NUP62CL: variants seen among roughly 807,000 people sequenced by gnomAD.
NUP62CL encodes the protein nucleoporin-62 C-terminal-like protein.
In NUP62CL, 13 loss-of-function variants were observed where a neutral mutation model predicts 15.3. The observed-to-expected ratio is 0.85, with a 90% CI of 0.55 to 1.35. The LOEUF (loss-of-function observed/expected upper bound fraction) is 1.35. Ranked by LOEUF, NUP62CL falls within the 40% of genes most tolerant of loss-of-function variation. The probability of loss-of-function intolerance (pLI) is 0.00; values close to 1 mark genes in which losing one functional copy is unlikely to be tolerated. For synonymous variants in NUP62CL, 54 were observed against 49.2 expected (o/e 1.10, Z -0.41); for missense variants, 123 against 130.6 (o/e 0.94, Z 0.28).
intron 8 of NUP62CL, among the ~76,000 whole-genome samples, chrX:107,138,420 A>G (rs1471607693): frequency 8.9e-6 from 1 of 112,165 alleles, no homozygotes; most frequent in East Asian, 2.8e-4. Context: ...CATATGTGAC[A>G]AAAGACTTGC....
intron 3 of NUP62CL, among the ~76,000 whole-genome samples, chrX:107,174,483 C>T (rs780217527): frequency 9.0e-6 from 1 of 111,172 alleles, no homozygotes; most frequent in African/African-American, 3.3e-5. Context: ...TTTGCTATTA[C>T]TATACTAATG....
intron 1 of NUP62CL, among the ~76,000 whole-genome samples, chrX:107,201,054 TA>T (rs1262093427): frequency 8.9e-6 from 1 of 111,866 alleles, no homozygotes; most frequent in Non-Finnish European, 1.9e-5. Context: ...ATCTGGCTAA[TA>T]TAACTTAAAG....
intron 7 of NUP62CL, among the ~76,000 whole-genome samples, chrX:107,150,046 G>A (rs901408669): frequency 2.3e-4 from 26 of 111,875 alleles, no homozygotes; most frequent in Non-Finnish European, 4.5e-4. Flanking sequence ...AGTATTCTGT[G>A]GGGGCAGGTG....
intron 4 of NUP62CL, among the ~76,000 whole-genome samples, chrX:107,160,761 C>A (rs1362875422): frequency 3.5e-4 from 39 of 110,993 alleles, no homozygotes; most frequent in South Asian, 1.9e-3. Flanking sequence ...CAATGGCAAC[C>A]AAAGCCAAAA....
chrX:107,147,696 T>C (rs1224742526), intron 8 of NUP62CL, 47 bp downstream of exon 8: 4 of 798,068 alleles, frequency 5.0e-6, no homozygotes, highest in Non-Finnish European at 7.7e-6. Context: ...GTATCACGTT[T>C]TCTACTTGCA....
chrX:107,138,803 C>T (rs1925700846), intron 8 of NUP62CL, among the ~76,000 whole-genome samples: 1 of 112,092 alleles, frequency 8.9e-6, no homozygotes, highest in Non-Finnish European at 1.9e-5. Context: ...TCTTGGATAT[C>T]TATCCCAGAG....
At chrX:107,189,565 C>G (rs957907613) in intron 2 of NUP62CL, among the ~76,000 whole-genome samples, 3 of 108,651 alleles carry the variant, frequency 2.8e-5, no homozygotes, top group Non-Finnish European at 5.7e-5. Flanking sequence ...TGCTTAAGCT[C>G]AAGAGTTTGA....
intron 8 of NUP62CL, among the ~76,000 whole-genome samples, chrX:107,134,432 G>A (rs751495662): frequency 2.7e-5 from 3 of 112,065 alleles, no homozygotes; most frequent in Non-Finnish European, 5.6e-5. Flanking sequence ...TATTTTAACA[G>A]ATTAGAGAGC....
intron 4 of NUP62CL, among the ~76,000 whole-genome samples, chrX:107,156,250 G>A (rs1452726765): frequency 1.1e-4 from 12 of 110,671 alleles, no homozygotes; most frequent in East Asian, 2.9e-4. Flanking sequence ...CAAAGCAGCC[G>A]GGAAGCTCCA....
chrX:107,200,921 C>T (rs922570148), intron 1 of NUP62CL, among the ~76,000 whole-genome samples: 1 of 110,599 alleles, frequency 9.0e-6, no homozygotes, highest in African/African-American at 3.3e-5. Flanking sequence ...CAAAAAAACC[C>T]TCAAAAAACA....
intron 8 of NUP62CL, among the ~76,000 whole-genome samples, chrX:107,144,243 A>G (rs746493808): frequency 2.7e-5 from 3 of 112,011 alleles, no homozygotes; most frequent in Non-Finnish European, 3.8e-5. Context: ...GTCCTCTACT[A>G]TTAGGTACAT....
At chrX:107,172,825 T>C (rs1451682785) in intron 3 of NUP62CL, among the ~76,000 whole-genome samples, 3 of 112,351 alleles carry the variant, frequency 2.7e-5, no homozygotes, top group South Asian at 7.5e-4. Context: ...AGTAGCATCA[T>C]TGATATCAAC....
At chrX:107,161,789 T>C (rs753056129) in intron 4 of NUP62CL, among the ~76,000 whole-genome samples, 3 of 95,723 alleles carry the variant, frequency 3.1e-5, no homozygotes, top group African/African-American at 1.2e-4. Flanking sequence ...AAAAAAATAA[T>C]AATAATAATA....
chrX:107,127,957 ATGG>A (rs1925426637), intron 8 of NUP62CL, among the ~76,000 whole-genome samples: 1 of 112,065 alleles, frequency 8.9e-6, no homozygotes, highest in African/African-American at 3.2e-5. Flanking sequence ...AAGAATGATC[ATGG>A]TGGTGGTGGT....
At chrX:107,193,353 G>A (rs758815780) in intron 1 of NUP62CL, among the ~76,000 whole-genome samples, 1 of 112,011 alleles carries the variant, frequency 8.9e-6, no homozygotes, top group Admixed American at 9.5e-5. Context: ...TGAGATATGT[G>A]CCTTAATAGC....
intron 3 of NUP62CL, among the ~76,000 whole-genome samples, chrX:107,170,892 T>G (rs1407785387): frequency 3.6e-5 from 4 of 112,273 alleles, no homozygotes; most frequent in Admixed American, 2.8e-4. Flanking sequence ...GTTAATACAG[T>G]CAATCCTACA....
intron 2 of NUP62CL, among the ~76,000 whole-genome samples, chrX:107,181,121 G>T (rs1290415180): frequency 9.4e-6 from 1 of 106,257 alleles, no homozygotes; most frequent in Non-Finnish European, 1.9e-5. Flanking sequence ...TCACCATGTT[G>T]GCCAGGCTGG....
intron 1 of NUP62CL, among the ~76,000 whole-genome samples, chrX:107,201,624 C>CAA (rs754000601): frequency 1.1e-5 from 1 of 91,009 alleles, no homozygotes; most frequent in African/African-American, 4.0e-5. Context: ...TACTGCTGAC[C>CAA]AAAAAAAAAA....
chrX:107,162,004 G>GA (rs1411404498), intron 4 of NUP62CL, among the ~76,000 whole-genome samples: 2 of 107,805 alleles, frequency 1.9e-5, no homozygotes, highest in Admixed American at 1.0e-4. Context: ...TAAAACAAAT[G>GA]AAAAAAACAG....
Sources: gnomAD v4.1 joint callset for allele counts (sites outside exome capture counted in the v4.1 genomes callset) on GRCh38, gnomAD v4.1.1 for gene constraint, MANE v1.5 for transcripts, NCBI Gene and HGNC (gene_info 2026-07-23, HGNC 2026-07-21) for gene names.